Variants in RBMS3 observed in about 807,000 individuals in gnomAD.
RBMS3 encodes RNA binding motif single stranded interacting protein 3.
In RBMS3, 27 loss-of-function variants were observed where a neutral mutation model predicts 66.8. That is an observed-to-expected ratio of 0.40 (90% confidence interval 0.30 to 0.56). The LOEUF (loss-of-function observed/expected upper bound fraction) is 0.56, where lower values mean the gene tolerates loss of function less well. RBMS3 is among the 20% of genes least tolerant of loss of function. The pLI is 0.40. For synonymous variants in RBMS3, 188 were observed against 183.0 expected, an observed-to-expected ratio of 1.03 and a Z score of -0.22; for missense variants, 513 against 549.5, an observed-to-expected ratio of 0.93 and a Z score of 0.66.
intron 4 of RBMS3, among the ~76,000 whole-genome samples, chr3:29,723,745 G>A (rs1386268755): frequency 6.6e-6 from 1 of 152,070 alleles, no homozygotes; most frequent in Non-Finnish European, 1.5e-5. Context: ...TGGAAGCCAG[G>A]AGCATTTTAT....
chr3:29,453,951 G>A (rs17667279), intron 2 of RBMS3, among the ~76,000 whole-genome samples: 22,054 of 152,100 alleles, frequency 0.14, 1,889 homozygotes, highest in Admixed American at 0.27. Flanking sequence ...TGAGGGAAGA[G>A]AAACTGGCCC....
intron 4 of RBMS3, among the ~76,000 whole-genome samples, chr3:29,606,880 A>C (rs2048334961): frequency 6.6e-6 from 1 of 151,938 alleles, no homozygotes; most frequent in Admixed American, 6.6e-5. Context: ...TTGAATTGAA[A>C]ATTTTTCCAT....
chr3:29,286,579 G>A (rs2032356291), intron 1 of RBMS3, among the ~76,000 whole-genome samples: 1 of 151,346 alleles, frequency 6.6e-6, no homozygotes, highest in Non-Finnish European at 1.5e-5. Flanking sequence ...CAAAATTATA[G>A]CACAAAATTA....
At chr3:29,407,206 G>A (rs2040059351) in intron 1 of RBMS3, among the ~76,000 whole-genome samples, 1 of 152,190 alleles carries the variant, frequency 6.6e-6, no homozygotes, top group South Asian at 2.1e-4. Flanking sequence ...CTGTTCTAAA[G>A]TGGTTTAACA....
intron 6 of RBMS3, among the ~76,000 whole-genome samples, 178 bp downstream of exon 6, chr3:29,763,167 T>A (rs984769073): frequency 3.9e-5 from 6 of 152,132 alleles, no homozygotes; most frequent in Non-Finnish European, 8.8e-5. Flanking sequence ...TTTTTGGTAA[T>A]TCTTCTTTTG....
At chr3:29,983,852 T>G (rs574919859) in intron 12 of RBMS3, among the ~76,000 whole-genome samples, 1 of 152,300 alleles carries the variant, frequency 6.6e-6, no homozygotes, top group South Asian at 2.1e-4. Flanking sequence ...CATTTTTTCT[T>G]TCATTTCAAC....
At chr3:29,622,186 G>A (rs1055140375) in intron 4 of RBMS3, among the ~76,000 whole-genome samples, 2 of 152,166 alleles carry the variant, frequency 1.3e-5, no homozygotes, top group African/African-American at 4.8e-5. Context: ...ATTGATTATA[G>A]AGTAAACAAG....
chr3:29,386,026 C>G lies in RBMS3; in HGVS notation c.76-48717C>G, dbSNP rs771276960. Among the ~76,000 whole-genome samples, 150 of 152,324 alleles carry G rather than the reference C, an allele frequency of 9.8e-4. 1 individual carries two copies. Among genetic ancestry groups the G allele is most frequent in the Non-Finnish European group, 1.8e-3 (125 of 68,022 alleles). The stretch of plus-strand genomic sequence containing the variant: ...TTATTTCATGAAAAACTGTTCCAAA[C>G]TACCAATGTCTGTATCCTTATACCG... On this transcript the variant is annotated intron_variant, in intron 1 of 14. Transcript: ENST00000383767.
intron 4 of RBMS3, among the ~76,000 whole-genome samples, chr3:29,648,253 G>GA (rs1288720577): frequency 8.3e-6 from 1 of 119,832 alleles, no homozygotes; most frequent in African/African-American, 3.2e-5. Context: ...AGGGAAAATA[G>GA]AAAATGTCTA....
intron 1 of RBMS3, among the ~76,000 whole-genome samples, chr3:29,347,886 G>A (rs572730469): frequency 7.2e-5 from 11 of 152,188 alleles, no homozygotes; most frequent in African/African-American, 2.2e-4. Context: ...TTAAAGCTTA[G>A]GTTTATGATC....
intron 4 of RBMS3, among the ~76,000 whole-genome samples, chr3:29,602,823 T>G (rs1359962683): frequency 6.6e-6 from 1 of 152,008 alleles, no homozygotes; most frequent in Non-Finnish European, 1.5e-5. Context: ...TATAACCTAT[T>G]GCTTGCATTC....
chr3:29,438,667 C>T (rs1238550248), intron 2 of RBMS3, among the ~76,000 whole-genome samples: 3 of 152,120 alleles, frequency 2.0e-5, no homozygotes, highest in Admixed American at 6.5e-5. Context: ...CTGTGCGTAG[C>T]GTAGAAAATA....
Position 29,704,313 on chromosome 3 carries a change from A to C in RBMS3, c.400-35407A>C, listed in dbSNP as rs540939837. Among the ~76,000 whole-genome samples the C allele has an allele frequency of 5.8e-4, 80 of 136,902 alleles. No individual in the cohort carries two copies. The Middle Eastern group carries it at 0.02, about 34-fold the overall frequency. 89.8% of individuals were successfully genotyped at this position (136,902 alleles called of 152,430 possible). On this transcript the variant is annotated intron_variant, in intron 4 of 14. Coordinates refer to ENST00000383767, the MANE Select transcript of RBMS3 (RefSeq NM_001003793.3). ...ATCTTTGCTTCTATTTCAATTACTT[A>C]AAAATGAATCAAACACATGTGTGTA...
At chr3:29,632,195 A>T (rs569625012) in intron 4 of RBMS3, among the ~76,000 whole-genome samples, 2 of 151,978 alleles carry the variant, frequency 1.3e-5, no homozygotes, top group Non-Finnish European at 2.9e-5. Context: ...TTTTGTGCAG[A>T]TGCAGGCACA....
chr3:29,362,194 C>T, intron 1 of RBMS3, among the ~76,000 whole-genome samples: 1 of 152,130 alleles, frequency 6.6e-6, no homozygotes, highest in Non-Finnish European at 1.5e-5. Flanking sequence ...TACCTTTGGT[C>T]TTTGATGATG....
At chr3:29,827,136 T>C (rs2058231495) in intron 6 of RBMS3, among the ~76,000 whole-genome samples, 1 of 152,180 alleles carries the variant, frequency 6.6e-6, no homozygotes, top group South Asian at 2.1e-4. Context: ...ACCTCTGCTA[T>C]ATGGTCATGG....
At chr3:29,718,569 G>T (rs1160702) in intron 4 of RBMS3, among the ~76,000 whole-genome samples, 52,578 of 151,580 alleles carry the variant, frequency 0.35, 9,145 homozygotes, top group East Asian at 0.44. Flanking sequence ...AGCATTTATT[G>T]TTCAACTTCC....
At chr3:29,576,457 C>G (rs1261579284) in intron 3 of RBMS3, among the ~76,000 whole-genome samples, 1 of 151,968 alleles carries the variant, frequency 6.6e-6, no homozygotes, top group Non-Finnish European at 1.5e-5. Context: ...TGAGTCTTGC[C>G]CAAGGCCCAC....
chr3:29,662,509 G>A, intron 4 of RBMS3, among the ~76,000 whole-genome samples: 1 of 152,234 alleles, frequency 6.6e-6, no homozygotes, highest in East Asian at 1.9e-4. Flanking sequence ...GGTAAGCTTT[G>A]ATGCATACCT....
Sources: allele counts gnomAD v4.1 joint callset (sites outside exome capture counted in the v4.1 genomes callset), GRCh38; gene constraint gnomAD v4.1.1; transcripts MANE v1.5; gene names NCBI Gene and HGNC (gene_info 2026-07-23, HGNC 2026-07-21).